PCDHGA12: variants seen among roughly 807,000 people sequenced by gnomAD.
PCDHGA12 encodes the protein protocadherin gamma subfamily A, 12, also known as protocadherin gamma-A12.
Under a neutral mutation model 61.1 loss-of-function variants are expected in PCDHGA12, and 43 were observed. That is an observed-to-expected ratio of 0.70 (90% CI 0.55 to 0.91). PCDHGA12 has a LOEUF of 0.91. PCDHGA12 is among the 40% of genes least tolerant of loss of function. The pLI, the probability that PCDHGA12 is intolerant of heterozygous loss-of-function variation, is 0.00. For missense variants in PCDHGA12, 1,236 were observed against 1,227.7 expected (o/e 1.01, Z -0.10); for synonymous variants, 520 against 542.9 (o/e 0.96, Z 0.59).
At chr5:141,464,227 T>C (rs539811399) in intron 1 of PCDHGA12, among the ~76,000 whole-genome samples, 58 of 147,282 alleles carry the variant, frequency 3.9e-4, no homozygotes, top group Admixed American at 2.5e-3. Flanking sequence ...ATTGCGCCAC[T>C]GCACTCCAGC....
Position 141,476,758 on chromosome 5 carries a change from G to A in PCDHGA12, c.2425-18049G>A. On this transcript the variant is annotated intron_variant, in intron 1 of 3. Transcript: ENST00000252085. The surrounding 1 kb of genome is among the most constrained non-coding windows in gnomAD (Gnocchi z 7.6). Reference sequence around the variant, plus strand: ...GGGAGCCTAGTCTCCAGTTAGTGCTGACGGCGTTGGACGGAGGGACCCCAG... The same window carrying A: ...GGGAGCCTAGTCTCCAGTTAGTGCTAACGGCGTTGGACGGAGGGACCCCAG... 1 of 1,613,868 alleles carries A rather than the reference G, an allele frequency of 6.2e-7. No homozygotes were observed. The highest frequency in any genetic ancestry group is 1.1e-5 in the South Asian group (1 of 91,086).
Position 141,476,340 on chromosome 5 carries a change from G to A in PCDHGA12, c.2425-18467G>A, listed in dbSNP as rs760616287. The A allele has an allele frequency of 2.2e-5, 36 of 1,614,068 alleles. No homozygotes were observed. In the Admixed American group the frequency reaches 2.5e-4, roughly 11 times the overall value. On this transcript the variant is annotated intron_variant, in intron 1 of 3. Transcript: ENST00000252085. The surrounding 1 kb of genome is among the most constrained non-coding windows in gnomAD (Gnocchi z 7.6). The stretch of plus-strand genomic sequence containing the variant: ...CGGGTGGTGTCTGGAGCTAGCCGAA[G>A]ATTCTTTGAGGTGAACCGGGAGACC...
intron 1 of PCDHGA12, among the ~76,000 whole-genome samples, chr5:141,466,594 C>G (rs557960608): frequency 6.6e-6 from 1 of 152,268 alleles, no homozygotes; most frequent in Admixed American, 6.5e-5. Flanking sequence ...TTAAAACAAG[C>G]TAGCTACTTG....
Position 141,511,176 on chromosome 5 carries a change from T to C in PCDHGA12, c.*3T>C, listed in dbSNP as rs375508988. On this transcript the variant is annotated 3_prime_UTR_variant, in exon 4 of 4. Transcript: ENST00000252085. ...CGGGCAAGAAGGAGAAGAAGTAACA[T>C]GGAGGCCAGGCCAAGAGCCACAGGG... 198 of 1,614,046 alleles carry C rather than the reference T, an allele frequency of 1.2e-4. 1 individual carries two copies. The highest frequency in any genetic ancestry group is 6.5e-5 in the Non-Finnish European group (77 of 1,179,964).
intron 1 of PCDHGA12, among the ~76,000 whole-genome samples, chr5:141,436,478 A>G (rs1360229764): frequency 2.0e-5 from 3 of 152,220 alleles, no homozygotes; most frequent in Non-Finnish European, 4.4e-5. Context: ...TGTATCATAG[A>G]AGGATAGCAG....
rs2099749632 is a variant in PCDHGA12, at chr5:141,493,698, C to T, written c.2425-1109C>T. The stretch of plus-strand genomic sequence containing the variant: ...AGAATGGTGCTGGTGACTCCCGATA[C>T]ACCTGGAATGCTAGGTTTCTGGGTT... On this transcript the variant is annotated intron_variant, in intron 1 of 3. Transcript: ENST00000252085. This position sits in a 1 kb window ranked among gnomAD's most constrained non-coding sequence, Gnocchi z 4.3. Among the ~76,000 whole-genome samples the T allele has an allele frequency of 6.6e-6, 1 of 152,208 alleles. No individual in the cohort carries two copies. Among genetic ancestry groups the T allele is most frequent in the Non-Finnish European group, 1.5e-5 (1 of 68,034 alleles).
At position 141,505,425 on chromosome 5, in the gene PCDHGA12, C is replaced by G; in HGVS notation, c.2516C>G (p.Pro839Arg). 1 of 1,614,178 alleles carries G rather than the reference C, an allele frequency of 6.2e-7. No individual in the cohort carries two copies. Among genetic ancestry groups the G allele is most frequent in the Non-Finnish European group, 8.5e-7 (1 of 1,180,014 alleles). ...SQNGDDTGTW[P>R]NNQFDTEMLQ... ...AATGGCGATGACACCGGCACCTGGC[C>G]CAACAACCAGTTTGACACAGAGATG... The change falls in exon 3 of 4, where the codon CCC becomes CGC. Residue 839 changes from proline to arginine, a missense_variant. Transcript: ENST00000252085.
Position 141,490,688 on chromosome 5 carries a change from C to G in PCDHGA12, c.2425-4119C>G. 1 of 1,614,218 alleles carries G rather than the reference C, an allele frequency of 6.2e-7. No individual in the cohort carries two copies. Among genetic ancestry groups the G allele is most frequent in the Non-Finnish European group, 8.5e-7 (1 of 1,180,032 alleles). On this transcript the variant is annotated intron_variant, in intron 1 of 3. Coordinates refer to ENST00000252085, the MANE Select transcript of PCDHGA12 (RefSeq NM_003735.3). The surrounding 1 kb of genome is among the most constrained non-coding windows in gnomAD (Gnocchi z 5.4). ...ACTGTGGCTGCCTCAGATCCAGACA[C>G]TGGGGATAATGCCCGCCTCACCTAC...
In PCDHGA12 at chr5:141,511,236, C is replaced by T; in HGVS notation, c.*63C>T. 4 of 1,591,606 alleles carry T rather than the reference C, an allele frequency of 2.5e-6. No individual in the cohort carries two copies. Among genetic ancestry groups the T allele is most frequent in the Admixed American group, 3.6e-5 (2 of 56,022 alleles). ...CCCAACCAGCCCAGCTTCTCCTTAC[C>T]TGCACCCAGGCCTCAGAGTTTCAGG... On this transcript the variant is annotated 3_prime_UTR_variant, in exon 4 of 4. Transcript: ENST00000252085.
intron 1 of PCDHGA12, among the ~76,000 whole-genome samples, chr5:141,453,288 A>AT (rs2098760999): frequency 2.0e-5 from 3 of 151,342 alleles, no homozygotes; most frequent in African/African-American, 7.3e-5. Flanking sequence ...TAATTTTTTA[A>AT]TTATTTATTT....
Position 141,430,804 on chromosome 5 carries a change from G to T in PCDHGA12, c.45G>T (p.Leu15=). 1.3e-6 allele frequency: 2 copies of T among 1,525,868 alleles called. No homozygotes were observed. Among genetic ancestry groups the T allele is most frequent in the Non-Finnish European group, 1.8e-6 (2 of 1,139,874 alleles). The allele number at this position is 1,525,868 out of a possible 1,614,324, so 94.5% of individuals were successfully genotyped here. Residue 15 remains leucine, a synonymous_variant, in exon 1 of 4, where the codon CTG becomes CTT. Transcript: ENST00000252085. The part of the protein sequence containing the change: ...RLHRDYKGLV[L]LGILLGTLWE... ...ACCGGGACTACAAAGGGCTTGTCCT[G>T]CTGGGAATCCTCCTGGGGACTCTGT...
chr5:141,443,307 C>A (rs1447607301), intron 1 of PCDHGA12, among the ~76,000 whole-genome samples: 1 of 136,584 alleles, frequency 7.3e-6, no homozygotes, highest in Non-Finnish European at 1.5e-5. Flanking sequence ...ATGGCAAAAA[C>A]CCATCTCTAC....
chr5:141,442,870 T>A (rs942975420), intron 1 of PCDHGA12, among the ~76,000 whole-genome samples: 1 of 152,192 alleles, frequency 6.6e-6, no homozygotes, highest in African/African-American at 2.4e-5. Flanking sequence ...AGATGTAAAT[T>A]TACAACTCAG....
rs768206517 is a variant in PCDHGA12, at chr5:141,432,482, G to A, written c.1723G>A (p.Val575Met). 10 of 1,614,060 alleles carry A rather than the reference G, an allele frequency of 6.2e-6. No homozygotes were observed. The highest frequency in any genetic ancestry group is 1.3e-5 in the African/African-American group (1 of 74,946). The change falls in exon 1 of 4, where the codon GTG (valine) becomes ATG (methionine). Residue 575 changes from valine (V) to methionine (M), a missense_variant. By Grantham distance (21) the Val-to-Met change is conservative (BLOSUM62 1). Coordinates refer to ENST00000252085, the MANE Select transcript of PCDHGA12 (RefSeq NM_003735.3). The surrounding 1 kb of genome is among the most constrained non-coding windows in gnomAD (Gnocchi z 6.0). ...CCTCCCCACGGACGGTTCCACTGGC[G>A]TGGAGCTGGCTCCCCGCTCCGCAGA... The part of the protein sequence containing the change: ...PALPTDGSTG[V>M]ELAPRSAEPG...
chr5:141,489,625 A>G lies in PCDHGA12; in HGVS notation c.2425-5182A>G. ...GGTAGAGATCCTGGATCTCAATGAC[A>G]ACTCTCCTAGCTTTGCCACCCCTGA... On this transcript the variant is annotated intron_variant, in intron 1 of 3. Transcript: ENST00000252085. The surrounding 1 kb of genome is among the most constrained non-coding windows in gnomAD (Gnocchi z 4.5). 6.2e-7 allele frequency: 1 copy of G among 1,614,076 alleles called. No homozygotes were observed. The highest frequency in any genetic ancestry group is 8.5e-7 in the Non-Finnish European group (1 of 1,180,006).
At chr5:141,434,128 G>A (rs1267483739) in intron 1 of PCDHGA12, among the ~76,000 whole-genome samples, 1 of 152,138 alleles carries the variant, frequency 6.6e-6, no homozygotes, top group Non-Finnish European at 1.5e-5. Flanking sequence ...ACTCCCTTTA[G>A]GCTGATTTCT....
rs2099612736 is a variant in PCDHGA12 at position 141,485,393 on chromosome 5, C to T, written c.2425-9414C>T. The T allele has an allele frequency of 6.2e-7, 1 of 1,614,154 alleles. No homozygotes were observed. The highest frequency in any genetic ancestry group is 1.7e-5 in the Admixed American group (1 of 60,020). ...GGTCGCTGGAGAGGTGAACCAAAGA[C>T]ACTTCCGTGTGGATTTGGACAGCGG... On this transcript the variant is annotated intron_variant, in intron 1 of 3. Coordinates refer to ENST00000252085, the MANE Select transcript of PCDHGA12 (RefSeq NM_003735.3). The surrounding 1 kb of genome is among the most constrained non-coding windows in gnomAD (Gnocchi z 5.7).
Position 141,485,209 on chromosome 5 carries a change from G to T in PCDHGA12, c.2425-9598G>T, listed in dbSNP as rs2099609420. The T allele has an allele frequency of 6.2e-7, 1 of 1,614,032 alleles. No individual in the cohort carries two copies. Among genetic ancestry groups the T allele is most frequent in the African/African-American group, 1.3e-5 (1 of 74,938 alleles). On this transcript the variant is annotated intron_variant, in intron 1 of 3. Transcript: ENST00000252085. This position sits in a 1 kb window ranked among gnomAD's most constrained non-coding sequence, Gnocchi z 5.7. Reference sequence around the variant, plus strand: ...AGGTGAGAAGCTGGACAGAAATCTGGCGGTGGGCTACCCTTTTGTTCCTCT... The same window carrying T: ...AGGTGAGAAGCTGGACAGAAATCTGTCGGTGGGCTACCCTTTTGTTCCTCT...
intron 2 of PCDHGA12, among the ~76,000 whole-genome samples, chr5:141,497,076 C>T (rs1052240279): frequency 5.9e-5 from 9 of 151,826 alleles, no homozygotes; most frequent in Non-Finnish European, 8.8e-5. Context: ...GTAATCCCAG[C>T]GACTTAGGAG....
Sources: allele counts gnomAD v4.1 joint callset (sites outside exome capture counted in the v4.1 genomes callset), GRCh38; gene constraint gnomAD v4.1.1; non-coding constraint Gnocchi (gnomAD v3.1); transcripts MANE v1.5; gene names NCBI Gene and HGNC (gene_info 2026-07-23, HGNC 2026-07-21).